The following CERCAM variants were observed in gnomAD, a reference collection of about 807,000 sequenced individuals.
CERCAM encodes the protein inactive glycosyltransferase 25 family member 3.
CERCAM carries 59 observed loss-of-function variants against 66.0 expected under a neutral mutation model. The ratio of observed to expected loss-of-function variants is 0.89; its 90% CI spans 0.73 to 1.11. The LOEUF is 1.11. CERCAM is among the 50% of genes most tolerant of loss of function. The probability of loss-of-function intolerance (pLI) is 0.00; values close to 1 mark genes in which losing one functional copy is unlikely to be tolerated. For synonymous variants in CERCAM, 318 were observed against 343.6 expected (o/e 0.93, Z 0.83); for missense variants, 840 against 828.3 (o/e 1.01, Z -0.17).
intron 5 of CERCAM, among the ~76,000 whole-genome samples, chr9:128,426,424 A>G (rs1364391925): frequency 6.6e-6 from 1 of 151,854 alleles, no homozygotes; most frequent in Non-Finnish European, 1.5e-5. Flanking sequence ...AGAGATTGAG[A>G]CCATCTTAAG....
In CERCAM at chr9:128,428,808, G is replaced by C. The variant is rs763009249; in HGVS notation, c.938G>C (p.Arg313Thr). The C allele has an allele frequency of 3.1e-6, 5 of 1,613,990 alleles. No individual in the cohort carries two copies. The highest frequency in any genetic ancestry group is 3.3e-5 in the Admixed American group (2 of 60,010). Residue 313 changes from arginine (R) to threonine (T), a missense_variant, in exon 7 of 13, where the codon AGG (arginine) becomes ACG (threonine). By Grantham distance (71) the Arg-to-Thr change is moderately conservative (BLOSUM62 -1). Transcript: ENST00000372838. The part of the protein sequence containing the change: ...ASAHVTRPSK[R>T]PSKIGFDEVF... ...GCTCATGTGACTCGGCCCTCTAAGA[G>C]GCCCAGCAAGATAGGGTTTGACGAG... is the stretch of plus-strand genomic sequence containing the variant.
chr9:128,420,636 C>G, upstream of CERCAM: 1 of 214,686 alleles, frequency 4.7e-6, no homozygotes. This position sits in a 1 kb window ranked among gnomAD's most constrained non-coding sequence, Gnocchi z 5.0. Context: ...TCCAGCCGGG[C>G]GGGGCTGCTC....
In CERCAM at chr9:128,421,103, G is replaced by A. The variant is rs62587135; in HGVS notation, c.197+29G>A. ...AGAGACCCGGGCATTGGCACCGAGT[G>A]GGCACCTAACCCCCAGCTTCGCAGA... is the stretch of plus-strand genomic sequence containing the variant. On this transcript the variant is annotated intron_variant, in intron 1 of 12. Transcript: ENST00000372838. The A allele has an allele frequency of 2.1e-5, 27 of 1,274,278 alleles. No homozygotes were observed. The East Asian group carries it at 3.1e-4, about 15-fold the overall frequency. 78.9% of individuals were successfully genotyped at this position (1,274,278 alleles called of 1,614,324 possible).
intron 5 of CERCAM, among the ~76,000 whole-genome samples, chr9:128,425,815 C>CTTTTTT (rs75397129): frequency 9.3e-6 from 1 of 107,436 alleles, no homozygotes; most frequent in African/African-American, 4.1e-5. Context: ...CCAGCCCAGC[C>CTTTTTT]TTTTTTTTTT....
At chr9:128,429,062 C>G in intron 8 of CERCAM, 26 bp downstream of exon 8, 3 of 1,531,790 alleles carry the variant, frequency 2.0e-6, no homozygotes, top group Non-Finnish European at 2.7e-6. Flanking sequence ...GGGGGGGGCC[C>G]TGTGCGCTTG....
chr9:128,433,245 C>T (rs1280953503), intron 9 of CERCAM, among the ~76,000 whole-genome samples: 1 of 142,584 alleles, frequency 7.0e-6, no homozygotes, highest in Non-Finnish European at 1.5e-5. Context: ...TGCCACTGCA[C>T]TCCAGCCCGG....
intron 8 of CERCAM, chr9:128,430,842 C>A: frequency 5.2e-6 from 1 of 192,186 alleles, no homozygotes; most frequent in Non-Finnish European, 1.1e-5. Context: ...ATGGTGAAAC[C>A]CCATCTCTAC....
chr9:128,433,317 G>A (rs1023371881), intron 9 of CERCAM, among the ~76,000 whole-genome samples: 1 of 151,756 alleles, frequency 6.6e-6, no homozygotes, highest in South Asian at 2.1e-4. Context: ...CCGGTGTGGT[G>A]GTGGGCACCT....
In CERCAM at chr9:128,434,830, G is replaced by A. The variant is rs1834071836; in HGVS notation, c.1535+217G>A. On this transcript the variant is annotated intron_variant, in intron 11 of 12. Coordinates refer to ENST00000372838, the MANE Select transcript of CERCAM (RefSeq NM_016174.5). This position sits in a 1 kb window ranked among gnomAD's most constrained non-coding sequence, Gnocchi z 4.5. The stretch of plus-strand genomic sequence containing the variant: ...GCACAGTGCATGCAGGCTTTTTTTT[G>A]AAATGGAGTCTTGCTCTGTTGCCCA... Among the ~76,000 whole-genome samples, 1 of 151,920 alleles carries A rather than the reference G, an allele frequency of 6.6e-6. No individual in the cohort carries two copies. Among genetic ancestry groups the A allele is most frequent in the Non-Finnish European group, 1.5e-5 (1 of 67,950 alleles).
chr9:128,431,073 C>A, intron 8 of CERCAM, 98 bp from the exon 9 acceptor site: 2 of 1,426,818 alleles, frequency 1.4e-6, no homozygotes, highest in East Asian at 2.3e-5. Context: ...TTCTTCAAAC[C>A]CGACTCCAGT....
chr9:128,430,556 G>T (rs1428837841), intron 8 of CERCAM, among the ~76,000 whole-genome samples: 1 of 152,074 alleles, frequency 6.6e-6, no homozygotes, highest in Non-Finnish European at 1.5e-5. Context: ...CTTGACCATA[G>T]GCTATCCATC....
rs779851294 is a variant in CERCAM, at chr9:128,428,930, G to C, written c.964G>C (p.Val322Leu). 8 of 1,608,832 alleles carry C rather than the reference G, an allele frequency of 5.0e-6. No homozygotes were observed. In the African/African-American group the frequency reaches 9.4e-5, roughly 19 times the overall value. ...KRPSKIGFDE[V>L]FVISLARRPD... The stretch of plus-strand genomic sequence containing the variant: ...CCGCCCACCCCCCTGCCTCCTCCAG[G>C]TCTTTGTCATCAGCCTGGCTCGCAG... The change falls in exon 8 of 13, where the codon GTC becomes CTC. Residue 322 changes from valine (V) to leucine (L), a missense_variant and splice_region_variant. Coordinates refer to ENST00000372838, the MANE Select transcript of CERCAM (RefSeq NM_016174.5).
At chr9:128,433,278 C>CAAA (rs758064235) in intron 9 of CERCAM, among the ~76,000 whole-genome samples, 6 of 70,634 alleles carry the variant, frequency 8.5e-5, no homozygotes, top group South Asian at 4.6e-4. Context: ...AACTCCGTCT[C>CAAA]AAAAAAAAAA....
At chr9:128,423,078 C>CTGTCCACTG (rs56988335) in intron 2 of CERCAM, 68 bp from the exon 3 acceptor site, 279,788 of 1,606,696 alleles carry the variant, frequency 0.17, 26,542 homozygotes, top group East Asian at 0.38. Flanking sequence ...AGCCAGGGCT[C>CTGTCCACTG]TGTCCACTGC....
Position 128,434,311 on chromosome 9 carries a change from C to A in CERCAM, c.1331+82C>A. 2 of 1,601,994 alleles carry A rather than the reference C, an allele frequency of 1.2e-6. No homozygotes were observed. The highest frequency in any genetic ancestry group is 2.7e-5 in the African/African-American group (2 of 74,778). ...TTTTCCTGCTTGGGACCCTGGCCGG[C>A]CCATCCCCTGAGAGCCTGGCCCTGT... On this transcript the variant is annotated intron_variant, in intron 10 of 12. Coordinates refer to ENST00000372838, the MANE Select transcript of CERCAM (RefSeq NM_016174.5). This position sits in a 1 kb window ranked among gnomAD's most constrained non-coding sequence, Gnocchi z 4.5.
chr9:128,425,057 T>C (rs1833810746), intron 5 of CERCAM, among the ~76,000 whole-genome samples: 1 of 144,884 alleles, frequency 6.9e-6, no homozygotes, highest in Admixed American at 7.0e-5. Context: ...TTTTTGTTGT[T>C]GTTGTTGTTG....
Position 128,425,299 on chromosome 9 carries a change from C to CAT in CERCAM, c.766+685_766+686insAT, listed in dbSNP as rs1287482851. 5.9e-5 allele frequency among the ~76,000 whole-genome samples: 9 copies of CAT among 152,032 alleles called. No homozygotes were observed. The South Asian group carries it at 1.9e-3, about 32-fold the overall frequency. On this transcript the variant is annotated intron_variant, in intron 5 of 12. Transcript: ENST00000372838. ...CTCGATCTCCTGACCTCGTGATCTG[C>CAT]CCGCCTCGGCCTCCCAAAGTGCTGG...
intron 5 of CERCAM, chr9:128,427,514 A>T (rs868060175): frequency 9.2e-5 from 14 of 152,172 alleles, no homozygotes; most frequent in African/African-American, 3.4e-4. Context: ...CTGTAATCCC[A>T]GCACTTTGGA....
chr9:128,434,497 G>T lies in CERCAM; in HGVS notation c.1419G>T (p.Trp473Cys). The change falls in exon 11 of 13, where the codon TGG becomes TGT. Residue 473 changes from tryptophan to cysteine, a missense_variant. By Grantham distance (215) the Trp-to-Cys change is radical. Coordinates refer to ENST00000372838, the MANE Select transcript of CERCAM (RefSeq NM_016174.5). This position sits in a 1 kb window ranked among gnomAD's most constrained non-coding sequence, Gnocchi z 4.5. ...PGLVVAGYSYWTLAYALRLAG... is the reference protein window; with the variant it reads ...PGLVVAGYSYCTLAYALRLAG... ...TGGTGGTGGCTGGGTACTCCTACTG[G>T]ACGCTGGCCTATGCCCTGCGTCTGG... The T allele has an allele frequency of 2.5e-6, 4 of 1,613,718 alleles. No homozygotes were observed. The highest frequency in any genetic ancestry group is 3.4e-6 in the Non-Finnish European group (4 of 1,180,006).
Sources: gnomAD v4.1 joint callset for allele counts (sites outside exome capture counted in the v4.1 genomes callset) on GRCh38, gnomAD v4.1.1 for gene constraint, Gnocchi (gnomAD v3.1) non-coding constraint, MANE v1.5 for transcripts, NCBI Gene and HGNC (gene_info 2026-07-23, HGNC 2026-07-21) for gene names.